The following ETV4 variants were observed in gnomAD, a reference collection of about 807,000 sequenced individuals.
The protein encoded by ETV4 is ETS translocation variant 4.
A neutral mutation model predicts 65.9 loss-of-function variants in ETV4; 42 were observed. The ratio of observed to expected loss-of-function variants is 0.64; its 90% CI spans 0.50 to 0.82. The LOEUF is 0.82. Among genes scored for constraint, ETV4 ranks in the 40% least tolerant of loss-of-function variants. The pLI is 0.00. For missense variants in ETV4, 583 were observed against 630.3 expected, an observed-to-expected ratio of 0.92 and a Z score of 0.80; for synonymous variants, 238 against 260.0, an observed-to-expected ratio of 0.92 and a Z score of 0.81.
At chr17:43,540,640 C>G (rs1164473365) in intron 4 of ETV4, among the ~76,000 whole-genome samples, 1 of 152,102 alleles carries the variant, frequency 6.6e-6, no homozygotes, top group Non-Finnish European at 1.5e-5. Flanking sequence ...CTCCTGGGCT[C>G]AGGTAATCCT....
intron 4 of ETV4, among the ~76,000 whole-genome samples, chr17:43,540,143 A>G (rs1056223209): frequency 6.6e-6 from 1 of 152,160 alleles, no homozygotes; most frequent in Non-Finnish European, 1.5e-5. Flanking sequence ...TTCAAGAGTC[A>G]CCAGGACGTT....
chr17:43,531,419 C>T (rs996795604), intron 8 of ETV4, among the ~76,000 whole-genome samples: 4 of 152,158 alleles, frequency 2.6e-5, no homozygotes, highest in South Asian at 2.1e-4. Context: ...TAAAGAAGTC[C>T]CTACTTCCTC....
At chr17:43,534,044 G>C in intron 5 of ETV4, 59 bp from the exon 6 acceptor site, 1 of 1,436,352 alleles carries the variant, frequency 7.0e-7, no homozygotes, top group Non-Finnish European at 9.1e-7. Context: ...GGCAGGCAGG[G>C]CTTCTGATAC....
At chr17:43,545,405 A>G in intron 2 of ETV4, 38 bp from the exon 3 acceptor site, 1 of 1,523,014 alleles carries the variant, frequency 6.6e-7, no homozygotes, top group Non-Finnish European at 8.9e-7. Flanking sequence ...AGTCACCCTG[A>G]GGCGCTTAGT....
At chr17:43,545,490 G>C (rs570527164) in intron 2 of ETV4, 68 bp downstream of exon 2, 4 of 1,481,150 alleles carry the variant, frequency 2.7e-6, no homozygotes, top group Admixed American at 4.0e-5. Flanking sequence ...CTGCGGGGAG[G>C]GGGGCTGTGG....
intron 4 of ETV4, among the ~76,000 whole-genome samples, chr17:43,538,415 C>T (rs1971353954): frequency 6.6e-6 from 1 of 152,200 alleles, no homozygotes; most frequent in South Asian, 2.1e-4. Flanking sequence ...ATAGGTGCCT[C>T]ATCCCCTTAA....
At chr17:43,530,338 G>A in intron 8 of ETV4, 157 bp from the exon 9 acceptor site, 3 of 1,478,734 alleles carry the variant, frequency 2.0e-6, no homozygotes, top group Non-Finnish European at 2.7e-6. Context: ...CAAAATCCCA[G>A]GGAAAGTTCA....
chr17:43,529,733 C>A, intron 10 of ETV4, 57 bp from the exon 11 acceptor site: 1 of 1,589,236 alleles, frequency 6.3e-7, no homozygotes, highest in Non-Finnish European at 8.6e-7. Context: ...CCCCAAGCAA[C>A]CGCCTCCCAC....
At chr17:43,534,067 G>A in intron 5 of ETV4, 82 bp from the exon 6 acceptor site, 1 of 1,375,162 alleles carries the variant, frequency 7.3e-7, no homozygotes, top group Non-Finnish European at 9.4e-7. Flanking sequence ...TCTGAGCTTT[G>A]AGGACCAGCT....
intron 4 of ETV4, among the ~76,000 whole-genome samples, chr17:43,543,090 TC>T (rs952902719): frequency 2.0e-5 from 3 of 150,726 alleles, no homozygotes; most frequent in East Asian, 3.9e-4. Context: ...GGCCTCAGCA[TC>T]CCCCCCTCAG....
At chr17:43,537,854 C>T (rs1022926398) in intron 4 of ETV4, among the ~76,000 whole-genome samples, 2 of 151,976 alleles carry the variant, frequency 1.3e-5, no homozygotes, top group South Asian at 2.1e-4. Context: ...TTAGGCCGGG[C>T]GCGGTGGCTC....
Position 43,533,286 on chromosome 17 carries a change from G to A in ETV4, c.446C>T (p.Ser149Leu), listed in dbSNP as rs199534414. Residue 149 changes from serine to leucine, a missense_variant, in exon 7 of 13, where the codon TCG becomes TTG. By Grantham distance (145) the Ser-to-Leu change is moderately radical. Transcript: ENST00000319349. Reference protein sequence around the residue: ...KSPAPGALGQSPLQPFPRAEQ... With the variant: ...KSPAPGALGQLPLQPFPRAEQ... The stretch of plus-strand genomic sequence containing the variant: ...TGCCCGGGGAAAGGGCTGTAGGGGC[G>A]ACTGTCCAAGGGCACCAGGGGCAGG... 42 of 1,613,914 alleles carry A rather than the reference G, an allele frequency of 2.6e-5. No homozygotes were observed. In the Admixed American group the frequency reaches 4.3e-4, roughly 17 times the overall value.
rs558536922 is a variant in ETV4, at chr17:43,544,791, A to G, written c.202+184T>C. ...CAGGGTAGAGAAAATAAATATCAAT[A>G]TAAGTGTCCACGCTGGGTGCTGGGG... is the stretch of plus-strand genomic sequence containing the variant. On this transcript the variant is annotated intron_variant, in intron 4 of 12. Coordinates refer to ENST00000319349, the MANE Select transcript of ETV4 (RefSeq NM_001079675.5). 1.6e-4 allele frequency: 95 copies of G among 592,774 alleles called. 1 individual carries two copies. The highest frequency in any genetic ancestry group is 1.0e-3 in the East Asian group (37 of 35,636). The allele number at this position is 592,774 out of a possible 1,614,324, so 36.7% of individuals were successfully genotyped here.
Position 43,532,791 on chromosome 17 carries a change from G to T in ETV4, c.694C>A (p.Pro232Thr), listed in dbSNP as rs1476041750. The T allele has an allele frequency of 9.3e-6, 15 of 1,613,928 alleles. No individual in the cohort carries two copies. Among genetic ancestry groups the T allele is most frequent in the Non-Finnish European group, 1.3e-5 (15 of 1,180,016 alleles). ...QQSFKQEYHD[P>T]LYEQAGQPAV... Reference sequence around the variant, plus strand: ...GGCTGGCCCGCCTGTTCATACAGGGGATCATGGTATTCTTGCTTAAAGCTC... The same window carrying T: ...GGCTGGCCCGCCTGTTCATACAGGGTATCATGGTATTCTTGCTTAAAGCTC... Residue 232 changes from proline to threonine, a missense_variant, in exon 8 of 13, where the codon CCC (proline) becomes ACC (threonine). By Grantham distance (38) the Pro-to-Thr change is conservative. Coordinates refer to ENST00000319349, the MANE Select transcript of ETV4 (RefSeq NM_001079675.5).
At position 43,528,411 on chromosome 17, in the gene ETV4, G is replaced by T; in HGVS notation, c.*108C>A. On this transcript the variant is annotated 3_prime_UTR_variant, in exon 13 of 13. Transcript: ENST00000319349. ...GCAACTGGTAGGACAGTGGGGATCTGCCCCAGAGACATCTGTGGGTTTCAG... is the reference window on the plus strand; with the variant it reads ...GCAACTGGTAGGACAGTGGGGATCTTCCCCAGAGACATCTGTGGGTTTCAG... The T allele has an allele frequency of 1.3e-6, 1 of 752,340 alleles. No homozygotes were observed. Among genetic ancestry groups the T allele is most frequent in the Non-Finnish European group, 2.2e-6 (1 of 464,346 alleles). The allele number at this position is 752,340 out of a possible 1,614,324, so 46.6% of individuals were successfully genotyped here. A position where few individuals can be genotyped will look rare whatever the true frequency, so the allele number is the denominator to read the frequency against.
At chr17:43,541,658 G>C (rs1450040197) in intron 4 of ETV4, among the ~76,000 whole-genome samples, 1 of 152,042 alleles carries the variant, frequency 6.6e-6, no homozygotes, top group African/African-American at 2.4e-5. Flanking sequence ...ACATATGCTC[G>C]GTCACCCTCT....
chr17:43,545,471 C>A, intron 2 of ETV4, 87 bp downstream of exon 2: 1 of 1,458,666 alleles, frequency 6.9e-7, no homozygotes. Context: ...GCCCAGGACT[C>A]CGCTGGGACT....
rs1970738865 is a variant in ETV4, at chr17:43,529,014, C to G, written c.1230+121G>C. ...GGATTCTCCACAATTTCTTGTCTCT[C>G]TGACTGATTCATTATCTGATCCTAC... On this transcript the variant is annotated intron_variant, in intron 12 of 12. Coordinates refer to ENST00000319349, the MANE Select transcript of ETV4 (RefSeq NM_001079675.5). 5.1e-6 allele frequency: 5 copies of G among 987,958 alleles called. No individual in the cohort carries two copies. The African/African-American group carries it at 7.9e-5, about 16-fold the overall frequency. The allele number at this position is 987,958 out of a possible 1,614,324, so 61.2% of individuals were successfully genotyped here.
Position 43,533,177 on chromosome 17 carries a change from G to A in ETV4, c.545+10C>T. The A allele has an allele frequency of 6.2e-7, 1 of 1,613,376 alleles. No homozygotes were observed. Among genetic ancestry groups the A allele is most frequent in the Admixed American group, 1.7e-5 (1 of 59,962 alleles). On this transcript the variant is annotated intron_variant, in intron 7 of 12. Coordinates refer to ENST00000319349, the MANE Select transcript of ETV4 (RefSeq NM_001079675.5). ...GGGCCCATGAGCAGTGGGTTTCCCTGTCTCCTTACCTATGTTCCCCGAGGT... is the reference window on the plus strand; with the variant it reads ...GGGCCCATGAGCAGTGGGTTTCCCTATCTCCTTACCTATGTTCCCCGAGGT...
Sources: allele counts gnomAD v4.1 joint callset (sites outside exome capture counted in the v4.1 genomes callset), GRCh38; gene constraint gnomAD v4.1.1; transcripts MANE v1.5; gene names NCBI Gene and HGNC (gene_info 2026-07-23, HGNC 2026-07-21).